MALRD1: variants seen among roughly 807,000 people sequenced by gnomAD.
MALRD1 encodes the protein MAM and LDL receptor class A domain containing 1.
MALRD1 carries 247 observed loss-of-function variants against 242.1 expected under a neutral mutation model. The observed-to-expected ratio is 1.02, with a 90% CI of 0.92 to 1.13. MALRD1 has a LOEUF of 1.13. Among genes scored for constraint, MALRD1 ranks in the 50% most tolerant of loss-of-function variants. The pLI is 0.00. For synonymous variants in MALRD1, 995 were observed against 866.6 expected, an observed-to-expected ratio of 1.15 and a Z score of -2.60; for missense variants, 2,989 against 2,533.1, an observed-to-expected ratio of 1.18 and a Z score of -3.86.
At chr10:19,376,490 T>A (rs183341429) in intron 26 of MALRD1, among the ~76,000 whole-genome samples, 1 of 151,940 alleles carries the variant, frequency 6.6e-6, no homozygotes, top group African/African-American at 2.4e-5. Flanking sequence ...TGTGTACCAT[T>A]TGAACAAACA....
intron 23 of MALRD1, 123 bp downstream of exon 23, chr10:19,327,796 G>C (rs969567831): frequency 4.1e-6 from 3 of 739,376 alleles, no homozygotes; most frequent in Admixed American, 4.6e-5. Context: ...CTGTGGATGC[G>C]TGGACACCAT....
At chr10:19,486,698 G>C (rs962184949) in intron 29 of MALRD1, among the ~76,000 whole-genome samples, 1 of 152,082 alleles carries the variant, frequency 6.6e-6, no homozygotes, top group Non-Finnish European at 1.5e-5. Context: ...AATGTCATCA[G>C]CTTAAGAAAG....
At chr10:19,435,328 A>G (rs1213866902) in intron 28 of MALRD1, among the ~76,000 whole-genome samples, 10 of 151,958 alleles carry the variant, frequency 6.6e-5, no homozygotes, top group Admixed American at 6.6e-4. Context: ...AGAATAGTAC[A>G]TTTGTCACAA....
intron 4 of MALRD1, among the ~76,000 whole-genome samples, chr10:19,100,211 A>G (rs1161992378): frequency 6.6e-6 from 1 of 152,128 alleles, no homozygotes; most frequent in Non-Finnish European, 1.5e-5. Flanking sequence ...TTACAGCCAC[A>G]TAGACACATT....
At chr10:19,460,687 T>C (rs899294385) in intron 29 of MALRD1, among the ~76,000 whole-genome samples, 2 of 152,106 alleles carry the variant, frequency 1.3e-5, no homozygotes, top group African/African-American at 4.8e-5. Flanking sequence ...TGACTCTACC[T>C]AAAACAGTGG....
intron 28 of MALRD1, among the ~76,000 whole-genome samples, chr10:19,412,715 A>G (rs1833326836): frequency 6.6e-6 from 1 of 152,178 alleles, no homozygotes; most frequent in South Asian, 2.1e-4. Flanking sequence ...GAGATAAGCC[A>G]CCAGGAGGCA....
intron 36 of MALRD1, among the ~76,000 whole-genome samples, chr10:19,625,968 T>C: frequency 6.6e-6 from 1 of 152,076 alleles, no homozygotes; most frequent in South Asian, 2.1e-4. Flanking sequence ...ACAAAAATCC[T>C]CATAATAACA....
chr10:19,407,938 G>T (rs1833108733), intron 28 of MALRD1, among the ~76,000 whole-genome samples: 1 of 152,128 alleles, frequency 6.6e-6, no homozygotes, highest in Admixed American at 6.5e-5. Context: ...CTGAAAATGG[G>T]TGTTTCCATA....
chr10:19,088,581 ATTT>A (rs140346246), intron 4 of MALRD1, among the ~76,000 whole-genome samples: 12,941 of 51,436 alleles, frequency 0.25, 719 homozygotes, highest in East Asian at 0.36. Context: ...TTATTTATTT[ATTT>A]ATTTATTTTT....
At chr10:19,725,722 C>T (rs1834991404) in intron 38 of MALRD1, among the ~76,000 whole-genome samples, 1 of 152,130 alleles carries the variant, frequency 6.6e-6, no homozygotes, top group Non-Finnish European at 1.5e-5. Flanking sequence ...GTGGTATCGG[C>T]ATGAGGCATG....
At chr10:19,555,712 A>G (rs920455250) in intron 32 of MALRD1, among the ~76,000 whole-genome samples, 5 of 152,114 alleles carry the variant, frequency 3.3e-5, no homozygotes, top group African/African-American at 1.2e-4. Context: ...GAAAACTATT[A>G]CTAAATTAAT....
intron 13 of MALRD1, among the ~76,000 whole-genome samples, chr10:19,167,356 C>T (rs1834736041): frequency 6.6e-6 from 1 of 151,948 alleles, no homozygotes; most frequent in South Asian, 2.1e-4. Flanking sequence ...GAGACTCCAT[C>T]TTAAAAAAAC....
chr10:19,347,863 A>G lies in MALRD1; in HGVS notation c.3994A>G (p.Ser1332Gly), dbSNP rs764792172. Residue 1332 changes from serine (S) to glycine (G), a missense_variant, in exon 25 of 40, where the codon AGC (serine) becomes GGC (glycine). Physicochemically the swap from Ser to Gly is moderately conservative, Grantham distance 56 (BLOSUM62 0). Transcript: ENST00000454679. Reference sequence around the variant, plus strand: ...CTTTGACTGGAACCTGAAAGCTAGCAGCATCCCTGCAGCAGGCACAGAGCC... The same window carrying G: ...CTTTGACTGGAACCTGAAAGCTAGCGGCATCCCTGCAGCAGGCACAGAGCC... ...EDFDWNLKASSIPAAGTEPAA... is the reference protein window; with the variant it reads ...EDFDWNLKASGIPAAGTEPAA... 2 of 1,550,454 alleles carry G rather than the reference A, an allele frequency of 1.3e-6. No homozygotes were observed. Among genetic ancestry groups the G allele is most frequent in the South Asian group, 2.4e-5 (2 of 84,062 alleles).
intron 28 of MALRD1, among the ~76,000 whole-genome samples, chr10:19,402,237 T>A (rs368467659): frequency 6.6e-6 from 1 of 152,144 alleles, no homozygotes; most frequent in South Asian, 2.1e-4. Flanking sequence ...CAAACTTGAG[T>A]CCCAGAGATT....
At chr10:19,593,061 G>C (rs1837901018) in intron 33 of MALRD1, among the ~76,000 whole-genome samples, 1 of 150,790 alleles carries the variant, frequency 6.6e-6, no homozygotes, top group Non-Finnish European at 1.5e-5. Flanking sequence ...CTAATGGAAA[G>C]ATTACAGAGA....
chr10:19,225,571 G>C (rs1279149113), intron 18 of MALRD1, among the ~76,000 whole-genome samples: 1 of 151,996 alleles, frequency 6.6e-6, no homozygotes. Flanking sequence ...TGTATTATTA[G>C]TGTGACCGAA....
chr10:19,428,676 A>G (rs1833997707), intron 28 of MALRD1, among the ~76,000 whole-genome samples: 1 of 149,130 alleles, frequency 6.7e-6, no homozygotes, highest in Admixed American at 6.6e-5. Context: ...AATCATTTGA[A>G]ATGTCAAAAA....
chr10:19,184,763 G>C (rs1049767677), intron 14 of MALRD1, among the ~76,000 whole-genome samples: 2 of 152,136 alleles, frequency 1.3e-5, no homozygotes, highest in South Asian at 2.1e-4. Flanking sequence ...GGCCAGGCTG[G>C]TCTTGAACTC....
intron 7 of MALRD1, among the ~76,000 whole-genome samples, chr10:19,126,115 T>C (rs1430608211): frequency 1.3e-5 from 2 of 152,108 alleles, no homozygotes. Context: ...ATATGTGCTG[T>C]AGTGACAGAG....
Sources: allele counts gnomAD v4.1 joint callset (sites outside exome capture counted in the v4.1 genomes callset), GRCh38; gene constraint gnomAD v4.1.1; transcripts MANE v1.5; gene names NCBI Gene and HGNC (gene_info 2026-07-23, HGNC 2026-07-21).